The following PTTG1IP2 variants were observed in gnomAD, a reference collection of about 807,000 sequenced individuals.
The protein encoded by PTTG1IP2 is PTTG1IP family member 2.
chr7:90,489,515 G>T (rs1797915551), intron 4 of PTTG1IP2, among the ~76,000 whole-genome samples: 1 of 151,554 alleles, frequency 6.6e-6, no homozygotes, highest in African/African-American at 2.4e-5. Context: ...TTACACATAA[G>T]AAAATTTGGA....
At chr7:90,498,466 A>G (rs1045599187) in intron 6 of PTTG1IP2, among the ~76,000 whole-genome samples, 4 of 152,224 alleles carry the variant, frequency 2.6e-5, no homozygotes, top group African/African-American at 9.6e-5. Flanking sequence ...GAGAGTGAAG[A>G]GATGGAAGAA....
rs190816116 is a variant in PTTG1IP2, at chr7:90,502,853, A to G, written c.*50+8423A>G. On this transcript the variant is annotated intron_variant, in intron 6 of 6. Transcript: ENST00000509356. ...TCTTAAGTGTCCTTAGATTTTTGGA[A>G]TAGTAAGTGAGCACTGGCTTCAACT... is the stretch of plus-strand genomic sequence containing the variant. Among the ~76,000 whole-genome samples, 45 of 152,306 alleles carry G rather than the reference A, an allele frequency of 3.0e-4. No homozygotes were observed. The East Asian group carries it at 7.3e-3, about 25-fold the overall frequency.
intron 6 of PTTG1IP2, among the ~76,000 whole-genome samples, chr7:90,506,125 T>C (rs1488709723): frequency 6.6e-6 from 1 of 151,900 alleles, no homozygotes; most frequent in Non-Finnish European, 1.5e-5. Context: ...TACTGAGTCC[T>C]CTGGGAGCTC....
chr7:90,511,798 T>C (rs571429759), intron 6 of PTTG1IP2, among the ~76,000 whole-genome samples: 3 of 152,324 alleles, frequency 2.0e-5, no homozygotes, highest in African/African-American at 7.2e-5. Flanking sequence ...GGGCATATTA[T>C]TAACCTCTCT....
At chr7:90,486,033 G>A (rs1007895616) in intron 2 of PTTG1IP2, among the ~76,000 whole-genome samples, 1 of 152,194 alleles carries the variant, frequency 6.6e-6, no homozygotes, top group Admixed American at 6.5e-5. Flanking sequence ...TGAATGGCTT[G>A]ATTTGACCGT....
chr7:90,479,061 T>C (rs1440025270), intron 1 of PTTG1IP2, among the ~76,000 whole-genome samples, 167 bp from the exon 2 acceptor site: 1 of 152,180 alleles, frequency 6.6e-6, no homozygotes, highest in Non-Finnish European at 1.5e-5. Context: ...AGAGGATTTA[T>C]ACAGTACTGG....
At chr7:90,494,207 C>T (rs1245342838) in intron 5 of PTTG1IP2, 160 bp from the exon 6 acceptor site, 1 of 152,156 alleles carries the variant, frequency 6.6e-6, no homozygotes, top group Non-Finnish European at 1.5e-5. Context: ...CCTTAAGTCA[C>T]TTGAGCCCTA....
At chr7:90,472,309 CACACACACA>C (rs1797700574) in intron 1 of PTTG1IP2, among the ~76,000 whole-genome samples, 3 of 110,256 alleles carry the variant, frequency 2.7e-5, no homozygotes, top group Admixed American at 2.0e-4. Flanking sequence ...CACACACACA[CACACACACA>C]CACCCCAAAT....
intron 2 of PTTG1IP2, among the ~76,000 whole-genome samples, chr7:90,486,828 A>T (rs2374266): frequency 0.39 from 59,874 of 151,640 alleles, 12,771 homozygotes; most frequent in Non-Finnish European, 0.5. Context: ...GTTCAGGTGC[A>T]TGTGATTTTT....
chr7:90,477,840 T>C (rs776877504), intron 1 of PTTG1IP2, among the ~76,000 whole-genome samples: 1 of 152,186 alleles, frequency 6.6e-6, no homozygotes, highest in African/African-American at 2.4e-5. Flanking sequence ...GGCTCACACC[T>C]GTAATCCCAG....
intron 6 of PTTG1IP2, among the ~76,000 whole-genome samples, chr7:90,494,739 C>G (rs967971041): frequency 2.6e-5 from 4 of 152,084 alleles, no homozygotes; most frequent in Admixed American, 2.6e-4. Flanking sequence ...AAAAATTAGC[C>G]AGTGTGGTGC....
chr7:90,509,323 T>A (rs1798159082), intron 6 of PTTG1IP2, among the ~76,000 whole-genome samples: 1 of 151,968 alleles, frequency 6.6e-6, no homozygotes, highest in Non-Finnish European at 1.5e-5. Flanking sequence ...CACTGGAAAC[T>A]GGGAAGAAGT....
chr7:90,507,878 A>G (rs1490339919), intron 6 of PTTG1IP2, among the ~76,000 whole-genome samples: 1 of 152,196 alleles, frequency 6.6e-6, no homozygotes, highest in Non-Finnish European at 1.5e-5. Context: ...CTGTGAGATC[A>G]TAAAGAGGAA....
Position 90,487,373 on chromosome 7 carries a change from C to G in PTTG1IP2, c.239C>G (p.Pro80Arg), listed in dbSNP as rs953882286. The change falls in exon 3 of 7, where the codon CCC becomes CGC. Residue 80 changes from proline to arginine, a missense_variant. Transcript: ENST00000509356. ...AAAGCATGCAAAAAATACTGTTTTC[C>G]CTATTTCGGTTGTCGATTCAGTTCT... Reference protein sequence around the residue: ...EEKACKKYCFPYFGCRFSSIY... With the variant: ...EEKACKKYCFRYFGCRFSSIY... 6.6e-6 allele frequency: 1 copy of G among 152,460 alleles called. No individual in the cohort carries two copies. 9.4% of individuals were successfully genotyped at this position (152,460 alleles called of 1,614,324 possible).
intron 2 of PTTG1IP2, among the ~76,000 whole-genome samples, chr7:90,483,930 A>G (rs1373728597): frequency 6.6e-6 from 1 of 152,052 alleles, no homozygotes; most frequent in African/African-American, 2.4e-5. Context: ...CCTGGTCTCT[A>G]CCACAACCTG....
chr7:90,482,119 G>A (rs1420175311), intron 2 of PTTG1IP2, among the ~76,000 whole-genome samples: 2 of 152,044 alleles, frequency 1.3e-5, no homozygotes, highest in Non-Finnish European at 2.9e-5. Context: ...CCCAGAAGTT[G>A]GAAGGATGCA....
intron 1 of PTTG1IP2, among the ~76,000 whole-genome samples, chr7:90,476,821 C>G (rs1340364023): frequency 1.3e-5 from 2 of 152,120 alleles, no homozygotes; most frequent in African/African-American, 4.8e-5. Flanking sequence ...TATATAAAAT[C>G]TTGTTATTTT....
At chr7:90,471,175 G>A (rs116718080) in intron 1 of PTTG1IP2, among the ~76,000 whole-genome samples, 16 of 152,204 alleles carry the variant, frequency 1.1e-4, no homozygotes, top group African/African-American at 3.4e-4. Context: ...TCCCCTTAGT[G>A]CTTGCATTTA....
At chr7:90,495,895 T>C (rs1452571560) in intron 6 of PTTG1IP2, among the ~76,000 whole-genome samples, 4 of 152,172 alleles carry the variant, frequency 2.6e-5, no homozygotes, top group Admixed American at 2.6e-4. Context: ...TTTGTTGTTG[T>C]TGGGATTTGG....
Sources: gnomAD v4.1 joint callset for allele counts (sites outside exome capture counted in the v4.1 genomes callset) on GRCh38, gnomAD v4.1.1 for gene constraint, MANE v1.5 for transcripts, NCBI Gene and HGNC (gene_info 2026-07-23, HGNC 2026-07-21) for gene names.